The following SLCO1B3 variants were observed in gnomAD, a reference collection of about 807,000 sequenced individuals.
SLCO1B3 encodes the protein liver-specific organic anion transporter 2.
A neutral mutation model predicts 71.8 loss-of-function variants in SLCO1B3; 72 were observed. The observed-to-expected ratio is 1.00, with a 90% CI of 0.83 to 1.22. SLCO1B3 has a LOEUF of 1.22. Ranked by LOEUF, SLCO1B3 falls within the 50% of genes most tolerant of loss-of-function variation. The pLI, the probability that SLCO1B3 is intolerant of heterozygous loss-of-function variation, is 0.00. For synonymous variants in SLCO1B3, 298 were observed against 278.4 expected, an observed-to-expected ratio of 1.07 and a Z score of -0.70; for missense variants, 911 against 819.7, an observed-to-expected ratio of 1.11 and a Z score of -1.36.
chr12:20,873,165 ATG>A (rs1865509122), intron 8 of SLCO1B3, among the ~76,000 whole-genome samples: 1 of 152,204 alleles, frequency 6.6e-6, no homozygotes, highest in Non-Finnish European at 1.5e-5. Flanking sequence ...GCAAGTGCCC[ATG>A]TGCTAGTTTA....
chr12:20,832,829 CT>C (rs1396403683), intron 3 of SLCO1B3, among the ~76,000 whole-genome samples: 1 of 152,204 alleles, frequency 6.6e-6, no homozygotes, highest in Non-Finnish European at 1.5e-5. Flanking sequence ...CTATCCATAA[CT>C]CTTTAACCAG....
chr12:20,905,412 C>T (rs147329087), intron 15 of SLCO1B3, among the ~76,000 whole-genome samples: 6 of 152,280 alleles, frequency 3.9e-5, no homozygotes, highest in Admixed American at 1.3e-4. Flanking sequence ...TTCTTTTCTA[C>T]CACGTGGCTG....
At chr12:20,856,205 C>T (rs890520387) in intron 4 of SLCO1B3, among the ~76,000 whole-genome samples, 1 of 152,086 alleles carries the variant, frequency 6.6e-6, no homozygotes, top group African/African-American at 2.4e-5. Context: ...TTTTGTTAAA[C>T]TTTGCAGCTA....
intron 3 of SLCO1B3, among the ~76,000 whole-genome samples, chr12:20,829,910 AG>A (rs1237518328): frequency 2.0e-5 from 3 of 152,148 alleles, no homozygotes; most frequent in Non-Finnish European, 4.4e-5. Context: ...GAGGATGACC[AG>A]AAGTCACTCT....
rs4149166 is a variant in SLCO1B3 at position 20,879,205 on chromosome 12, C to CTTTTTTTT, written c.1136-217_1136-210dup. Among the ~76,000 whole-genome samples, 31 of 95,210 alleles carry CTTTTTTTT rather than the reference C, an allele frequency of 3.3e-4. 2 individuals carry two copies. The highest frequency in any genetic ancestry group is 8.5e-4 in the South Asian group (2 of 2,358). The allele number at this position is 95,210 out of a possible 152,430, so 62.5% of individuals were successfully genotyped here. ...CCACCCTAGTGTGCCACCCTTCTCT[C>CTTTTTTTT]TTTTTTTTTTTTTTTTTTTTTGAGA... On this transcript the variant is annotated intron_variant, in intron 10 of 15. Coordinates refer to ENST00000381545, the MANE Select transcript of SLCO1B3 (RefSeq NM_019844.4).
At chr12:20,907,373 G>C (rs1225833400) in intron 15 of SLCO1B3, among the ~76,000 whole-genome samples, 2 of 151,446 alleles carry the variant, frequency 1.3e-5, no homozygotes, top group Non-Finnish European at 2.9e-5. Flanking sequence ...TCCCTAAATG[G>C]GAGATTTCTT....
intron 4 of SLCO1B3, among the ~76,000 whole-genome samples, chr12:20,856,725 A>ACCAC (rs1442203829): frequency 3.9e-5 from 6 of 152,106 alleles, no homozygotes. Flanking sequence ...ACATCCGGCT[A>ACCAC]ATTTTCGTAT....
rs547699541 is a variant in SLCO1B3, at chr12:20,822,790, A to G, written c.84+6968A>G. 2.0e-5 allele frequency among the ~76,000 whole-genome samples: 3 copies of G among 152,328 alleles called. 1 individual carries two copies. The highest frequency in any genetic ancestry group is 4.1e-4 in the South Asian group (2 of 4,820). On this transcript the variant is annotated intron_variant, in intron 3 of 15. Transcript: ENST00000381545. ...AATATTTAACCTTTTATCTGTAGCT[A>G]TCTGCTTAAGGAAGGGCATCTTTTT...
Position 20,879,536 on chromosome 12 carries a change from T to G in SLCO1B3, c.1236T>G (p.Phe412Leu), listed in dbSNP as rs758791140. 1 of 1,612,308 alleles carries G rather than the reference T, an allele frequency of 6.2e-7. No individual in the cohort carries two copies. Residue 412 changes from phenylalanine (F) to leucine (L), a missense_variant, in exon 11 of 16, where the codon TTT becomes TTG. By Grantham distance (22) the Phe-to-Leu change is conservative. Coordinates refer to ENST00000381545, the MANE Select transcript of SLCO1B3 (RefSeq NM_019844.4). ...LSLVGIAKFS[F>L]LTSMISFLFQ... ...TAGTTGGAATTGCCAAATTTTCATT[T>G]CTTACTTCGATGATATCCTTCTTGT...
intron 15 of SLCO1B3, chr12:20,901,866 G>C (rs1327184162): frequency 4.6e-6 from 2 of 432,504 alleles, no homozygotes; most frequent in Non-Finnish European, 9.1e-6. Flanking sequence ...GAAAGAAATG[G>C]AAAAACAAAG....
chr12:20,822,740 T>C lies in SLCO1B3; in HGVS notation c.84+6918T>C, dbSNP rs1591743521. Among the ~76,000 whole-genome samples, 3 of 145,712 alleles carry C rather than the reference T, an allele frequency of 2.1e-5. No individual in the cohort carries two copies. The South Asian group carries it at 6.4e-4, about 31-fold the overall frequency. On this transcript the variant is annotated intron_variant, in intron 3 of 15. Transcript: ENST00000381545. ...AATCGGCACTTTACACAATATAAGG[T>C]GAACATAGACTAGCTACCTGTGGAA... is the stretch of plus-strand genomic sequence containing the variant.
intron 8 of SLCO1B3, among the ~76,000 whole-genome samples, chr12:20,873,070 A>G (rs1226680522): frequency 1.3e-5 from 2 of 152,104 alleles, no homozygotes; most frequent in African/African-American, 4.8e-5. Flanking sequence ...CATGCTGTCC[A>G]ACCCTTTCCC....
intron 15 of SLCO1B3, among the ~76,000 whole-genome samples, chr12:20,910,519 T>C (rs1280084443): frequency 6.6e-6 from 1 of 152,216 alleles, no homozygotes; most frequent in African/African-American, 2.4e-5. Flanking sequence ...TGGGCTTGCA[T>C]TGAATCTGTG....
intron 8 of SLCO1B3, among the ~76,000 whole-genome samples, chr12:20,867,053 T>C (rs1865387051): frequency 6.6e-6 from 1 of 152,172 alleles, no homozygotes; most frequent in African/African-American, 2.4e-5. Context: ...AAAGTCCTTT[T>C]GATAATTGGC....
At chr12:20,823,597 G>A (rs1864362698) in intron 3 of SLCO1B3, among the ~76,000 whole-genome samples, 2 of 152,142 alleles carry the variant, frequency 1.3e-5, no homozygotes, top group African/African-American at 2.4e-5. Flanking sequence ...TGTATAAAGT[G>A]CAACAAGAAT....
chr12:20,889,157 C>G (rs915470311), intron 13 of SLCO1B3, among the ~76,000 whole-genome samples: 2 of 142,972 alleles, frequency 1.4e-5, no homozygotes, highest in Non-Finnish European at 3.0e-5. Flanking sequence ...GTGTAGTTTT[C>G]TCTTTTATTT....
At chr12:20,848,474 T>C (rs1242677860) in intron 3 of SLCO1B3, among the ~76,000 whole-genome samples, 1 of 152,174 alleles carries the variant, frequency 6.6e-6, no homozygotes, top group Admixed American at 6.5e-5. Context: ...CCTGCAGTCA[T>C]AGACCTTAGT....
In SLCO1B3 at chr12:20,916,675, A is replaced by T. The variant is rs1866507110; in HGVS notation, c.*428A>T. 1 of 152,190 alleles carries T rather than the reference A, an allele frequency of 6.6e-6. No homozygotes were observed. The highest frequency in any genetic ancestry group is 2.4e-5 in the African/African-American group (1 of 41,436). 9.4% of individuals were successfully genotyped at this position (152,190 alleles called of 1,614,324 possible). On this transcript the variant is annotated 3_prime_UTR_variant, in exon 16 of 16. Transcript: ENST00000381545. ...ATGCTATAATATATATTTTCATGTT[A>T]AGTTGTATATTTTTCAGAAATTATA... is the stretch of plus-strand genomic sequence containing the variant.
intron 3 of SLCO1B3, among the ~76,000 whole-genome samples, chr12:20,826,405 C>G (rs1416325816): frequency 6.6e-6 from 1 of 151,680 alleles, no homozygotes; most frequent in African/African-American, 2.4e-5. Context: ...ATTAAAATCT[C>G]TTGTAATTTT....
Sources: gnomAD v4.1 joint callset for allele counts (sites outside exome capture counted in the v4.1 genomes callset) on GRCh38, gnomAD v4.1.1 for gene constraint, MANE v1.5 for transcripts, NCBI Gene and HGNC (gene_info 2026-07-23, HGNC 2026-07-21) for gene names.